The following CCDC39 variants were observed in gnomAD, a reference collection of about 807,000 sequenced individuals.
CCDC39 encodes coiled-coil domain-containing protein 39.
In CCDC39, 113 loss-of-function variants were observed where a neutral mutation model predicts 121.0. The observed-to-expected ratio is 0.93, with a 90% confidence interval of 0.80 to 1.09. The LOEUF (loss-of-function observed/expected upper bound fraction) is 1.09. Among genes scored for constraint, CCDC39 ranks in the 50% least tolerant of loss-of-function variants. The pLI is 0.00. For missense variants in CCDC39, 1,063 were observed against 1,074.7 expected (o/e 0.99, Z 0.15); for synonymous variants, 349 against 352.2 (o/e 0.99, Z 0.10).
At chr3:180,656,635 C>T (rs182689971) in intron 6 of CCDC39, among the ~76,000 whole-genome samples, 1 of 152,264 alleles carries the variant, frequency 6.6e-6, no homozygotes, top group East Asian at 1.9e-4. Flanking sequence ...GACAGGCAAT[C>T]TAAGTCACAG....
chr3:180,653,672 C>CT (rs1260146201), intron 7 of CCDC39, among the ~76,000 whole-genome samples: 3 of 152,140 alleles, frequency 2.0e-5, no homozygotes, highest in Admixed American at 2.0e-4. Context: ...AGGCAACATA[C>CT]TTTTTTATTT....
chr3:180,668,501 C>A (rs1711948973), intron 1 of CCDC39, among the ~76,000 whole-genome samples: 1 of 152,028 alleles, frequency 6.6e-6, no homozygotes, highest in Admixed American at 6.6e-5. Context: ...TTATTCAGGG[C>A]CTCATATTAT....
At chr3:180,641,890 T>C in intron 13 of CCDC39, 103 bp downstream of exon 13, 1 of 712,246 alleles carries the variant, frequency 1.4e-6, no homozygotes, top group Non-Finnish European at 2.2e-6. Context: ...CCATTTCGAA[T>C]GAGTAAAAAC....
intron 15 of CCDC39, 113 bp from the exon 16 acceptor site, chr3:180,619,478 T>C (rs1717363324): frequency 1.5e-6 from 1 of 659,670 alleles, no homozygotes. Context: ...AAATTTTTTA[T>C]ATCCACTTGT....
At position 180,644,268 on chromosome 3, in the gene CCDC39, GA is replaced by G; in HGVS notation, c.1528-12del. 1.4e-6 allele frequency: 2 copies of G among 1,469,624 alleles called. No individual in the cohort carries two copies. Among genetic ancestry groups the G allele is most frequent in the Non-Finnish European group, 9.1e-7 (1 of 1,098,070 alleles). 91.0% of individuals were successfully genotyped at this position (1,469,624 alleles called of 1,614,324 possible). On this transcript the variant is annotated splice_polypyrimidine_tract_variant and intron_variant, in intron 11 of 19. Transcript: ENST00000476379. ...AAAATAAAGATCATTCTGCAAAAAA[GA>G]AAAAAGGTATATAAATGTATGTTTT...
At chr3:180,665,514 T>C (rs1053533443) in intron 1 of CCDC39, among the ~76,000 whole-genome samples, 17 of 152,166 alleles carry the variant, frequency 1.1e-4, no homozygotes, top group Admixed American at 5.2e-4. Flanking sequence ...CCTATACTAA[T>C]ATTAAATTTT....
chr3:180,617,653 G>A (rs143959406), intron 16 of CCDC39: 1 of 403,192 alleles, frequency 2.5e-6, no homozygotes, highest in African/African-American at 2.0e-5. Flanking sequence ...AATGCTTAGA[G>A]AATAAGGATA....
chr3:180,645,974 A>C (rs6786516), intron 11 of CCDC39, among the ~76,000 whole-genome samples: 3,612 of 152,162 alleles, frequency 0.024, 133 homozygotes, highest in African/African-American at 0.077. Flanking sequence ...AACATTCTAT[A>C]CCATTCTCAT....
At chr3:180,622,418 A>ATT (rs1200876459) in intron 14 of CCDC39, among the ~76,000 whole-genome samples, 1 of 151,820 alleles carries the variant, frequency 6.6e-6, no homozygotes, top group East Asian at 1.9e-4. Flanking sequence ...CTCTTGCCTG[A>ATT]TTGCTGTGGT....
At position 180,670,939 on chromosome 3, in the gene CCDC39, C is replaced by T. The variant is rs189750618; in HGVS notation, c.91-6953G>A. Among the ~76,000 whole-genome samples the T allele has an allele frequency of 5.4e-3, 825 of 152,136 alleles. 11 individuals are homozygous for T. The highest frequency in any genetic ancestry group is 0.019 in the African/African-American group (796 of 41,538). On this transcript the variant is annotated intron_variant, in intron 1 of 19. Coordinates refer to ENST00000476379, the MANE Select transcript of CCDC39 (RefSeq NM_181426.2). ...AGTGATCACCCCTTTGGGCTGGATG[C>T]GGTGGCTCACACCTGTAATCCCAAC... is the stretch of plus-strand genomic sequence containing the variant.
At position 180,619,926 on chromosome 3, in the gene CCDC39, C is replaced by T. The variant is rs1441499745; in HGVS notation, c.2043G>A (p.Leu681=). 6.2e-7 allele frequency: 1 copy of T among 1,609,086 alleles called. No homozygotes were observed. The highest frequency in any genetic ancestry group is 1.1e-5 in the South Asian group (1 of 90,500). Residue 681 remains leucine (L), a synonymous_variant, in exon 15 of 20, where the codon TTG becomes TTA. Coordinates refer to ENST00000476379, the MANE Select transcript of CCDC39 (RefSeq NM_181426.2). ...TTTCAGCTTTGTTGATCTTGGCATC[C>T]AAACAGTCACCTTCCCTTTGAAGTT... is the stretch of plus-strand genomic sequence containing the variant. The part of the protein sequence containing the change: ...KEELQREGDC[L]DAKINKAEKE...
intron 3 of CCDC39, among the ~76,000 whole-genome samples, chr3:180,661,614 A>G (rs1341451339): frequency 6.6e-6 from 1 of 152,134 alleles, no homozygotes; most frequent in East Asian, 1.9e-4. Flanking sequence ...GGCAGCAAGC[A>G]TGGTACTTTG....
At chr3:180,616,184 G>A (rs1717230385) in intron 19 of CCDC39, 97 bp downstream of exon 19, 1 of 961,340 alleles carries the variant, frequency 1.0e-6, no homozygotes. Flanking sequence ...GTGAGTGCAT[G>A]GGCCTGCCTA....
chr3:180,631,742 G>C (rs1318787151), intron 13 of CCDC39, 150 bp from the exon 14 acceptor site: 4 of 664,088 alleles, frequency 6.0e-6, no homozygotes, highest in Non-Finnish European at 7.6e-6. Context: ...TTAATAAAAA[G>C]ACTATCAGGT....
intron 13 of CCDC39, among the ~76,000 whole-genome samples, chr3:180,641,332 C>A (rs555271151): frequency 6.6e-6 from 1 of 151,938 alleles, no homozygotes; most frequent in Non-Finnish European, 1.5e-5. Flanking sequence ...ATATTTAATG[C>A]AAAAACAATG....
chr3:180,654,579 G>A (rs1006464537), intron 7 of CCDC39, among the ~76,000 whole-genome samples, 183 bp downstream of exon 7: 2 of 149,438 alleles, frequency 1.3e-5, no homozygotes, highest in African/African-American at 4.9e-5. Flanking sequence ...GCTTAATCAG[G>A]GGTTTAATCA....
chr3:180,617,726 A>G (rs1003397257), intron 16 of CCDC39: 1 of 381,170 alleles, frequency 2.6e-6, no homozygotes, highest in South Asian at 1.4e-4. Flanking sequence ...ACAAAAGAGT[A>G]AAAAAATTTT....
At chr3:180,645,842 C>T (rs1294832943) in intron 11 of CCDC39, among the ~76,000 whole-genome samples, 3 of 152,172 alleles carry the variant, frequency 2.0e-5, no homozygotes, top group Admixed American at 2.0e-4. Flanking sequence ...GGCATAAGCA[C>T]TTGACAATGG....
Position 180,634,541 on chromosome 3 carries a change from G to T in CCDC39, c.1875-2949C>A, listed in dbSNP as rs138524432. Among the ~76,000 whole-genome samples, 701 of 152,078 alleles carry T rather than the reference G, an allele frequency of 4.6e-3. 7 individuals are homozygous for T. Among genetic ancestry groups the T allele is most frequent in the African/African-American group, 0.016 (652 of 41,454 alleles). On this transcript the variant is annotated intron_variant, in intron 13 of 19. Coordinates refer to ENST00000476379, the MANE Select transcript of CCDC39 (RefSeq NM_181426.2). ...ACCCTCAGCCACAACCACTACTAAG[G>T]TACCTTATTCAGCTGCCTCCAAGTT...
Sources: allele counts gnomAD v4.1 joint callset (sites outside exome capture counted in the v4.1 genomes callset), GRCh38; gene constraint gnomAD v4.1.1; transcripts MANE v1.5; gene names NCBI Gene and HGNC (gene_info 2026-07-23, HGNC 2026-07-21).